RLN2: variants seen among roughly 807,000 people sequenced by gnomAD.
RLN2 encodes the protein prorelaxin H2.
Under a neutral mutation model 7.3 loss-of-function variants are expected in RLN2, and 10 were observed. The observed-to-expected ratio is 1.36, with a 90% CI of 0.84 to 2.31. The LOEUF (loss-of-function observed/expected upper bound fraction) is 2.31. RLN2 is among the 30% of genes most tolerant of loss of function. The pLI, the probability that RLN2 is intolerant of heterozygous loss-of-function variation, is 0.00. For missense variants in RLN2, 298 were observed against 217.6 expected (o/e 1.37, Z -2.32); for synonymous variants, 103 against 82.3 (o/e 1.25, Z -1.36).
the RLN2 span, chr9:5,335,587 T>C: frequency 1.2e-6 from 2 of 1,601,122 alleles, no homozygotes; most frequent in African/African-American, 1.3e-5. Context: ...TGATGAAGGA[T>C]GGTACAATTT....
At chr9:5,307,291 A>C (rs547209779), upstream of RLN2, among the ~76,000 whole-genome samples, 1 of 138,502 alleles carries the variant, frequency 7.2e-6, no homozygotes, top group African/African-American at 2.8e-5. Context: ...ATAGATAGAT[A>C]GATAGATAGA....
In RLN2 at chr9:5,301,486, C is replaced by T. The variant is rs142539949; in HGVS notation, c.212-1042G>A. 6.8e-3 allele frequency among the ~76,000 whole-genome samples: 1,035 copies of T among 152,306 alleles called. 16 individuals are homozygous for T. The highest frequency in any genetic ancestry group is 0.024 in the African/African-American group (985 of 41,570). ...CCTAACCTTAACTGTCCTAATTATACAACTTAATAGTTTTATTTCACAAAG... is the reference window on the plus strand; with the variant it reads ...CCTAACCTTAACTGTCCTAATTATATAACTTAATAGTTTTATTTCACAAAG... On this transcript the variant is annotated intron_variant, in intron 1 of 1. Transcript: ENST00000381627.
chr9:5,304,458 G>A lies in RLN2; in HGVS notation c.123C>T (p.Arg41=). The A allele has an allele frequency of 6.2e-7, 1 of 1,613,338 alleles. No individual in the cohort carries two copies. Among genetic ancestry groups the A allele is most frequent in the Non-Finnish European group, 8.5e-7 (1 of 1,179,824 alleles). The change falls in exon 1 of 2, where the codon CGC becomes CGT. Residue 41 remains arginine, a synonymous_variant. Coordinates refer to ENST00000381627, the MANE Select transcript of RLN2 (RefSeq NM_134441.3). ...TCATGCCGCAAATGGCAATCTGCGC[G>A]CGAACTAATTCGCGGCCGCATAATT... is the stretch of plus-strand genomic sequence containing the variant. ...VIKLCGRELV[R]AQIAICGMST...
At chr9:5,300,481 T>C (rs561688551) in intron 1 of RLN2, 37 bp from the exon 2 acceptor site, 4 of 1,382,708 alleles carry the variant, frequency 2.9e-6, no homozygotes, top group Admixed American at 4.3e-5. Context: ...TGTGAGGGTA[T>C]ATTCATGTCA....
chr9:5,328,675 C>T, the RLN2 span, among the ~76,000 whole-genome samples: 2 of 152,056 alleles, frequency 1.3e-5, no homozygotes, highest in East Asian at 3.9e-4. Flanking sequence ...GGTCAGGTTA[C>T]CAACAAAGGG....
the RLN2 span, among the ~76,000 whole-genome samples, chr9:5,319,608 T>C: frequency 2.0e-5 from 3 of 152,048 alleles, no homozygotes; most frequent in Non-Finnish European, 2.9e-5. Flanking sequence ...GCTATAAATA[T>C]ATGAAACTAT....
the RLN2 span, among the ~76,000 whole-genome samples, chr9:5,319,456 A>G: frequency 6.6e-6 from 1 of 152,022 alleles, no homozygotes; most frequent in Admixed American, 6.6e-5. Context: ...GTTTTTTTTA[A>G]TGTAACTTTT....
At chr9:5,331,008 T>C in the RLN2 span, among the ~76,000 whole-genome samples, 1,672 of 151,980 alleles carry the variant, frequency 0.011, 50 homozygotes, top group East Asian at 0.04. Flanking sequence ...AAGAAATGGA[T>C]AAATTCCTGG....
chr9:5,323,521 A>C, the RLN2 span, among the ~76,000 whole-genome samples: 1 of 151,356 alleles, frequency 6.6e-6, no homozygotes, highest in Non-Finnish European at 1.5e-5. Flanking sequence ...TTTTCTTTAG[A>C]GTTGTGCATT....
the RLN2 span, among the ~76,000 whole-genome samples, chr9:5,329,325 A>C: frequency 6.7e-6 from 1 of 149,774 alleles, no homozygotes; most frequent in Non-Finnish European, 1.5e-5. Context: ...AAAAAAAAAA[A>C]AAAAGAAAAG....
chr9:5,316,051 A>G, the RLN2 span, among the ~76,000 whole-genome samples: 2 of 152,110 alleles, frequency 1.3e-5, no homozygotes, highest in Non-Finnish European at 2.9e-5. Context: ...CAAATCCAAA[A>G]TACTCTAATA....
At chr9:5,312,537 G>A in the RLN2 span, among the ~76,000 whole-genome samples, 232 of 152,152 alleles carry the variant, frequency 1.5e-3, 3 homozygotes, top group African/African-American at 5.2e-3. Flanking sequence ...AACTTTCCCT[G>A]TTCAGAGCAT....
At chr9:5,318,962 C>T in the RLN2 span, among the ~76,000 whole-genome samples, 1 of 151,936 alleles carries the variant, frequency 6.6e-6, no homozygotes, top group African/African-American at 2.4e-5. Context: ...GAAATGAACA[C>T]TGAAAACTAT....
chr9:5,329,287 G>A, the RLN2 span, among the ~76,000 whole-genome samples: 1 of 133,706 alleles, frequency 7.5e-6, no homozygotes, highest in African/African-American at 2.9e-5. Flanking sequence ...TCCGGCCTGG[G>A]CGACAGAGCG....
chr9:5,314,720 T>A, the RLN2 span, among the ~76,000 whole-genome samples: 1 of 152,110 alleles, frequency 6.6e-6, no homozygotes, highest in African/African-American at 2.4e-5. Flanking sequence ...GCTCCCTTCC[T>A]TCCAGGGCCC....
chr9:5,320,854 G>A, the RLN2 span, among the ~76,000 whole-genome samples: 6 of 152,190 alleles, frequency 3.9e-5, no homozygotes, highest in African/African-American at 1.4e-4. Flanking sequence ...AGACTGGGTA[G>A]AAATGATGAA....
upstream of RLN2, among the ~76,000 whole-genome samples, chr9:5,306,704 C>G (rs539158857): frequency 7.9e-4 from 120 of 152,144 alleles, no homozygotes; most frequent in Non-Finnish European, 1.3e-3. Flanking sequence ...GGGTTCCAAC[C>G]CATGTCTACT....
the RLN2 span, among the ~76,000 whole-genome samples, chr9:5,336,617 C>T: frequency 9.9e-5 from 15 of 152,078 alleles, no homozygotes; most frequent in Non-Finnish European, 8.8e-5. Flanking sequence ...TAAACTCTCT[C>T]CTAACCTTAA....
the RLN2 span, among the ~76,000 whole-genome samples, chr9:5,313,807 A>G: frequency 2.0e-5 from 3 of 152,010 alleles, no homozygotes; most frequent in African/African-American, 7.3e-5. Context: ...AACTACATTT[A>G]GAAGAAAATA....
Sources: gnomAD v4.1 joint callset for allele counts (sites outside exome capture counted in the v4.1 genomes callset) on GRCh38, gnomAD v4.1.1 for gene constraint, MANE v1.5 for transcripts, NCBI Gene and HGNC (gene_info 2026-07-23, HGNC 2026-07-21) for gene names.